The following FARP2 variants were observed in gnomAD, a reference collection of about 807,000 sequenced individuals.
FARP2 encodes FERM, ARH/RhoGEF and pleckstrin domain protein 2, also known as FERM, ARHGEF and pleckstrin domain-containing protein 2.
A neutral mutation model predicts 130.5 loss-of-function variants in FARP2; 111 were observed. The ratio of observed to expected loss-of-function variants is 0.85; its 90% CI spans 0.73 to 1.00. The LOEUF is 1.00. FARP2 is among the 50% of genes least tolerant of loss of function. FARP2 has a pLI of 0.00. For synonymous variants in FARP2, 504 were observed against 516.9 expected (o/e 0.98, Z 0.34); for missense variants, 1,385 against 1,346.3 (o/e 1.03, Z -0.45).
intron 8 of FARP2, among the ~76,000 whole-genome samples, chr2:241,421,937 A>C (rs954193584): frequency 2.0e-5 from 3 of 152,142 alleles, no homozygotes; most frequent in Admixed American, 2.0e-4. Flanking sequence ...TGAGGTCAGG[A>C]GTTCAAGACC....
chr2:241,470,947 T>C (rs1333642726), intron 18 of FARP2, among the ~76,000 whole-genome samples: 2 of 151,116 alleles, frequency 1.3e-5, no homozygotes, highest in Middle Eastern at 3.4e-3. Context: ...GGGTGCTCAC[T>C]ACCCTGAGGG....
At chr2:241,439,841 C>T (rs1054098086) in intron 12 of FARP2, among the ~76,000 whole-genome samples, 1 of 151,980 alleles carries the variant, frequency 6.6e-6, no homozygotes, top group Non-Finnish European at 1.5e-5. Flanking sequence ...GCGTATAATC[C>T]CAGCTACTCG....
chr2:241,358,122 G>A (rs2061108149), intron 1 of FARP2, among the ~76,000 whole-genome samples: 1 of 152,182 alleles, frequency 6.6e-6, no homozygotes, highest in African/African-American at 2.4e-5. Context: ...CCAGGAGGTG[G>A]AGGTTGCATT....
chr2:241,471,947 C>T (rs79598769), intron 18 of FARP2, among the ~76,000 whole-genome samples: 65 of 59,920 alleles, frequency 1.1e-3, no homozygotes, highest in East Asian at 1.5e-3. Flanking sequence ...CTGTGGTGAT[C>T]CTGTTCTGAA....
At chr2:241,396,207 GT>G (rs2062023710) in intron 2 of FARP2, among the ~76,000 whole-genome samples, 1 of 151,896 alleles carries the variant, frequency 6.6e-6, no homozygotes. Context: ...AGACTTAAAC[GT>G]TAGACCTAAA....
At chr2:241,428,322 C>T (rs570330624) in intron 8 of FARP2, among the ~76,000 whole-genome samples, 1 of 150,734 alleles carries the variant, frequency 6.6e-6, no homozygotes, top group South Asian at 2.1e-4. Flanking sequence ...GCAACCTGCG[C>T]CTCCTGGGTT....
chr2:241,404,542 G>A (rs1053490599), intron 3 of FARP2, among the ~76,000 whole-genome samples: 3 of 152,148 alleles, frequency 2.0e-5, no homozygotes, highest in Admixed American at 6.5e-5. Flanking sequence ...CCCATTCTGC[G>A]CATAGCAGCA....
At chr2:241,453,702 G>A (rs1306138126) in intron 13 of FARP2, among the ~76,000 whole-genome samples, 1 of 149,064 alleles carries the variant, frequency 6.7e-6, no homozygotes, top group African/African-American at 2.5e-5. Flanking sequence ...TTCCAAATGA[G>A]CAGTGTATCC....
chr2:241,404,601 A>G (rs572809092), intron 3 of FARP2, among the ~76,000 whole-genome samples, 198 bp from the exon 4 acceptor site: 2 of 152,312 alleles, frequency 1.3e-5, no homozygotes, highest in African/African-American at 2.4e-5. Flanking sequence ...ACGTCTTCCC[A>G]TGCTTCCCAA....
At chr2:241,407,043 T>C (rs867278340) in intron 4 of FARP2, among the ~76,000 whole-genome samples, 17 of 149,486 alleles carry the variant, frequency 1.1e-4, no homozygotes, top group South Asian at 2.1e-4. Flanking sequence ...CTCCTGACCT[T>C]GTGATCCGCC....
chr2:241,484,315 C>G lies in FARP2; in HGVS notation c.2405C>G (p.Pro802Arg). 6.2e-7 allele frequency: 1 copy of G among 1,614,104 alleles called. No individual in the cohort carries two copies. Among genetic ancestry groups the G allele is most frequent in the South Asian group, 1.1e-5 (1 of 91,072 alleles). ...TSHFRIRGLL[P>R]LQGMLVEESD... is the part of the protein sequence containing the mutation. Reference sequence around the variant, plus strand: ...CACTTCCGGATCCGGGGCCTCCTTCCCCTCCAAGGCATGCTGGTGAGTGGT... The same window carrying G: ...CACTTCCGGATCCGGGGCCTCCTTCGCCTCCAAGGCATGCTGGTGAGTGGT... The change falls in exon 21 of 27, where the codon CCC becomes CGC. Residue 802 changes from proline (P) to arginine (R), a missense_variant. Transcript: ENST00000264042.
chr2:241,462,839 A>G (rs2064060574), intron 15 of FARP2, among the ~76,000 whole-genome samples: 1 of 151,840 alleles, frequency 6.6e-6, no homozygotes, highest in South Asian at 2.1e-4. Flanking sequence ...ACAGGCGCCC[A>G]CCACCACACC....
intron 13 of FARP2, chr2:241,446,207 G>A (rs1347802804): frequency 1.3e-5 from 2 of 152,002 alleles, no homozygotes; most frequent in Non-Finnish European, 2.9e-5. Context: ...CAAATCACTA[G>A]GTATTGATAT....
intron 2 of FARP2, among the ~76,000 whole-genome samples, chr2:241,390,565 T>C (rs2061882580): frequency 6.6e-6 from 1 of 152,208 alleles, no homozygotes; most frequent in South Asian, 2.1e-4. Context: ...TCTGGAGTCA[T>C]CTTTGTAATA....
At chr2:241,387,258 A>C (rs2061805871) in intron 2 of FARP2, 2 of 152,240 alleles carry the variant, frequency 1.3e-5, no homozygotes, top group South Asian at 4.1e-4. Flanking sequence ...GAAGAAAGAA[A>C]AGGAGGGAGG....
chr2:241,363,546 A>G (rs772650729), intron 1 of FARP2, among the ~76,000 whole-genome samples: 2 of 152,268 alleles, frequency 1.3e-5, no homozygotes, highest in Non-Finnish European at 2.9e-5. Context: ...TAGTTAACTT[A>G]TAGGCTCAAC....
At chr2:241,413,087 G>A (rs1055417714) in intron 6 of FARP2, among the ~76,000 whole-genome samples, 4 of 152,038 alleles carry the variant, frequency 2.6e-5, no homozygotes, top group African/African-American at 9.7e-5. Context: ...TACTAATCAG[G>A]CCTTTGTTCT....
intron 19 of FARP2, among the ~76,000 whole-genome samples, chr2:241,481,842 A>G (rs771308328): frequency 3.9e-5 from 6 of 152,166 alleles, no homozygotes; most frequent in Non-Finnish European, 8.8e-5. Context: ...CACACTTCCC[A>G]TGTGGCCTGG....
At chr2:241,377,754 T>G (rs2061572287) in intron 2 of FARP2, among the ~76,000 whole-genome samples, 1 of 152,210 alleles carries the variant, frequency 6.6e-6, no homozygotes, top group Non-Finnish European at 1.5e-5. Flanking sequence ...TATCTCTCAT[T>G]GTACTATTAC....
Sources: allele counts gnomAD v4.1 joint callset (sites outside exome capture counted in the v4.1 genomes callset), GRCh38; gene constraint gnomAD v4.1.1; transcripts MANE v1.5; gene names NCBI Gene and HGNC (gene_info 2026-07-23, HGNC 2026-07-21).